Variants in TSPAN5 observed in about 807,000 individuals in gnomAD.
The protein encoded by TSPAN5 is tetraspanin 5, also known as tetraspanin-5.
In TSPAN5, 10 loss-of-function variants were observed where a neutral mutation model predicts 37.1. The ratio of observed to expected loss-of-function variants is 0.27; its 90% CI spans 0.17 to 0.46. The LOEUF (loss-of-function observed/expected upper bound fraction) is 0.46, where lower values mean the gene tolerates loss of function less well. Ranked by LOEUF, TSPAN5 falls within the 20% of genes least tolerant of loss-of-function variation. The probability of loss-of-function intolerance (pLI) is 1.00; values close to 1 mark genes in which losing one functional copy is unlikely to be tolerated. For missense variants in TSPAN5, 195 were observed against 326.6 expected (o/e 0.60, Z 3.11); for synonymous variants, 110 against 118.9 (o/e 0.93, Z 0.48).
chr4:98,616,485 C>G (rs1374984675), intron 1 of TSPAN5, among the ~76,000 whole-genome samples: 7 of 152,120 alleles, frequency 4.6e-5, no homozygotes, highest in Non-Finnish European at 5.9e-5. Context: ...CTGACAAGAG[C>G]TGTTTAAAAA....
intron 1 of TSPAN5, among the ~76,000 whole-genome samples, chr4:98,652,164 C>T (rs560630853): frequency 7.2e-5 from 11 of 152,150 alleles, no homozygotes; most frequent in African/African-American, 2.4e-4. Context: ...CTGGCCCAAA[C>T]GTTTATCAAA....
chr4:98,570,629 C>T lies in TSPAN5; in HGVS notation c.82-62901G>A, dbSNP rs114979399. On this transcript the variant is annotated intron_variant, in intron 1 of 7. Coordinates refer to ENST00000305798, the MANE Select transcript of TSPAN5 (RefSeq NM_005723.4). ...AAAATGCCACGTGAAAAGACACAAA[C>T]GCAGTGTCTGAGCCAGCTTAGAGCC... Among the ~76,000 whole-genome samples the T allele has an allele frequency of 2.0e-3, 297 of 152,150 alleles. 1 individual carries two copies. The highest frequency in any genetic ancestry group is 6.8e-3 in the African/African-American group (283 of 41,518).
At chr4:98,621,835 T>C (rs564163013) in intron 1 of TSPAN5, among the ~76,000 whole-genome samples, 1 of 98,808 alleles carries the variant, frequency 1.0e-5, no homozygotes, top group African/African-American at 5.5e-5. Flanking sequence ...TCTGTCTCTA[T>C]GATTTTTGCC....
chr4:98,475,966 G>A (rs944969644), intron 7 of TSPAN5, among the ~76,000 whole-genome samples: 2 of 151,852 alleles, frequency 1.3e-5, no homozygotes, highest in Non-Finnish European at 2.9e-5. Flanking sequence ...CTCTAGCCTG[G>A]GCGACAGAGC....
intron 1 of TSPAN5, among the ~76,000 whole-genome samples, chr4:98,602,155 G>C (rs1579021854): frequency 6.6e-6 from 1 of 152,136 alleles, no homozygotes; most frequent in African/African-American, 2.4e-5. Flanking sequence ...ATGTGACACA[G>C]AGACATGAAG....
chr4:98,615,176 C>T (rs1448569784), intron 1 of TSPAN5, among the ~76,000 whole-genome samples: 1 of 152,172 alleles, frequency 6.6e-6, no homozygotes, highest in African/African-American at 2.4e-5. Flanking sequence ...TCTGCCTTGC[C>T]ACGTGTAACC....
rs138399974 is a variant in TSPAN5 at position 98,480,628 on chromosome 4, G to A, written c.450+1377C>T. ...AAAAAGAAAATCACATGAAACTGTA[G>A]TATTTCCGTTTAAAGCACACAGCAT... On this transcript the variant is annotated intron_variant, in intron 4 of 7. Transcript: ENST00000305798. Among the ~76,000 whole-genome samples the A allele has an allele frequency of 1.4e-3, 220 of 152,280 alleles. 1 individual carries two copies. Among genetic ancestry groups the A allele is most frequent in the Non-Finnish European group, 2.1e-3 (145 of 68,022 alleles).
intron 1 of TSPAN5, among the ~76,000 whole-genome samples, chr4:98,610,273 T>G (rs1182014117): frequency 6.6e-6 from 1 of 152,146 alleles, no homozygotes; most frequent in Non-Finnish European, 1.5e-5. Context: ...CCTTTTATAA[T>G]CAGCACTAAT....
At chr4:98,545,425 T>C (rs1444425679) in intron 1 of TSPAN5, among the ~76,000 whole-genome samples, 1 of 152,264 alleles carries the variant, frequency 6.6e-6, no homozygotes, top group Non-Finnish European at 1.5e-5. Context: ...GAGCTGAAAA[T>C]GTCCTAATTC....
chr4:98,507,093 A>G (rs1753494667), intron 2 of TSPAN5, among the ~76,000 whole-genome samples: 1 of 152,124 alleles, frequency 6.6e-6, no homozygotes, highest in Non-Finnish European at 1.5e-5. Flanking sequence ...TTTTCCTTTT[A>G]TTATACTGTA....
At chr4:98,617,924 C>A (rs1756376706) in intron 1 of TSPAN5, among the ~76,000 whole-genome samples, 1 of 152,224 alleles carries the variant, frequency 6.6e-6, no homozygotes, top group African/African-American at 2.4e-5. Context: ...CCCAGATATC[C>A]AAGAAACCAT....
intron 2 of TSPAN5, among the ~76,000 whole-genome samples, chr4:98,490,029 T>G (rs1753051854): frequency 6.6e-6 from 1 of 152,222 alleles, no homozygotes; most frequent in Non-Finnish European, 1.5e-5. Flanking sequence ...CTAGGAAAGA[T>G]TCCCAAAGTG....
At chr4:98,504,580 T>C (rs376729881) in intron 2 of TSPAN5, among the ~76,000 whole-genome samples, 4 of 152,352 alleles carry the variant, frequency 2.6e-5, no homozygotes, top group East Asian at 3.9e-4. Context: ...GGACAGCCTA[T>C]GGTCATGTGT....
intron 1 of TSPAN5, among the ~76,000 whole-genome samples, chr4:98,509,384 C>A (rs1390631323): frequency 1.3e-5 from 2 of 152,172 alleles, no homozygotes; most frequent in African/African-American, 4.8e-5. Flanking sequence ...GGGACTTGGA[C>A]AGATGGCAGG....
In TSPAN5 at chr4:98,471,178, G is replaced by A. The variant is rs1752575054; in HGVS notation, c.*1344C>T. On this transcript the variant is annotated 3_prime_UTR_variant, in exon 8 of 8. Coordinates refer to ENST00000305798, the MANE Select transcript of TSPAN5 (RefSeq NM_005723.4). ...CATCCTGATGGTTAGTCTGCAATAA[G>A]AGAACTGAAGGAGCTATGGCCATGC... 6.6e-6 allele frequency: 1 copy of A among 152,230 alleles called. No individual in the cohort carries two copies. Among genetic ancestry groups the A allele is most frequent in the Non-Finnish European group, 1.5e-5 (1 of 68,044 alleles). The allele number at this position is 152,230 out of a possible 1,614,324, so 9.4% of individuals were successfully genotyped here.
At chr4:98,485,271 C>T (rs1190465373) in intron 3 of TSPAN5, 1 of 152,630 alleles carries the variant, frequency 6.6e-6, no homozygotes, top group Non-Finnish European at 1.5e-5. Flanking sequence ...GCCAAGAAGA[C>T]TGGCAGGTTG....
intron 1 of TSPAN5, among the ~76,000 whole-genome samples, chr4:98,578,948 T>G (rs890166116): frequency 1.3e-5 from 2 of 152,152 alleles, no homozygotes; most frequent in African/African-American, 4.8e-5. Flanking sequence ...AATGATCTAT[T>G]TTTTACCTTT....
At chr4:98,556,146 G>A (rs1754745891) in intron 1 of TSPAN5, among the ~76,000 whole-genome samples, 1 of 150,358 alleles carries the variant, frequency 6.7e-6, no homozygotes, top group Non-Finnish European at 1.5e-5. Flanking sequence ...CTTACACACT[G>A]TCTTGGCCCC....
chr4:98,476,976 T>G (rs749070388), intron 5 of TSPAN5, among the ~76,000 whole-genome samples: 1 of 152,270 alleles, frequency 6.6e-6, no homozygotes, highest in African/African-American at 2.4e-5. Flanking sequence ...TCACAGGGTC[T>G]GATCAGAAAC....
Sources: gnomAD v4.1 joint callset for allele counts (sites outside exome capture counted in the v4.1 genomes callset) on GRCh38, gnomAD v4.1.1 for gene constraint, MANE v1.5 for transcripts, NCBI Gene and HGNC (gene_info 2026-07-23, HGNC 2026-07-21) for gene names.